SPN: variants seen among roughly 807,000 people sequenced by gnomAD.
SPN encodes sialophorin, also known as leukosialin.
In SPN, 6 loss-of-function variants were observed where a neutral mutation model predicts 8.4. The observed-to-expected ratio is 0.72, with a 90% confidence interval of 0.39 to 1.42. The LOEUF (loss-of-function observed/expected upper bound fraction) is 1.42, where lower values mean the gene tolerates loss of function less well. Ranked by LOEUF, SPN falls within the 40% of genes most tolerant of loss-of-function variation. The probability of loss-of-function intolerance (pLI) is 0.02; values close to 1 mark genes in which losing one functional copy is unlikely to be tolerated. For missense variants in SPN, 517 were observed against 530.6 expected, an observed-to-expected ratio of 0.97 and a Z score of 0.25; for synonymous variants, 201 against 222.6, an observed-to-expected ratio of 0.90 and a Z score of 0.86.
At chr16:29,663,106 C>T (rs569030799), upstream of SPN, 59 of 150,580 alleles carry the variant, frequency 3.9e-4, no homozygotes, top group Middle Eastern at 3.4e-3. The surrounding 1 kb of genome is among the most constrained non-coding windows in gnomAD (Gnocchi z 4.3). Flanking sequence ...CCAGGCACCC[C>T]GCTGGCCCCT....
Position 29,666,776 on chromosome 16 carries a change from C to G in SPN, c.*1845C>G. 2.4e-6 allele frequency: 1 copy of G among 408,830 alleles called. No homozygotes were observed. Among genetic ancestry groups the G allele is most frequent in the Admixed American group, 2.8e-5 (1 of 35,924 alleles). 25.3% of individuals were successfully genotyped at this position (408,830 alleles called of 1,614,324 possible). ...GAGCCAGGGACTTCCCCTGTGGGGC[C>G]TGGGTGGAGAGGGGAGAACTCAATG... On this transcript the variant is annotated 3_prime_UTR_variant, in exon 2 of 2. Coordinates refer to ENST00000652691, the MANE Select transcript of SPN (RefSeq NM_003123.6).
Position 29,670,625 on chromosome 16 carries a change from A to C in SPN, c.*5694A>C. ...TTTGAAAATTATGTAATGACTTTGG[A>C]AAATACCAGCAATATAATGTTAAGT... On this transcript the variant is annotated 3_prime_UTR_variant, in exon 2 of 2. Coordinates refer to ENST00000652691, the MANE Select transcript of SPN (RefSeq NM_003123.6). 2.8e-6 allele frequency: 1 copy of C among 355,842 alleles called. No homozygotes were observed. The highest frequency in any genetic ancestry group is 5.6e-6 in the Non-Finnish European group (1 of 177,516). 22.0% of individuals were successfully genotyped at this position (355,842 alleles called of 1,614,324 possible).
rs1429345891 is a variant in SPN at position 29,663,451 on chromosome 16, G to A, written c.-35+135G>A. On this transcript the variant is annotated intron_variant, in intron 1 of 1. Transcript: ENST00000652691. The surrounding 1 kb of genome is among the most constrained non-coding windows in gnomAD (Gnocchi z 4.3). ...GCTGCACAGGGTCAGGGAAGGCCAG[G>A]AGGGGCTGGTCACTGCTGGAATCTA... 1 of 414,552 alleles carries A rather than the reference G, an allele frequency of 2.4e-6. No homozygotes were observed. Among genetic ancestry groups the A allele is most frequent in the African/African-American group, 2.0e-5 (1 of 49,016 alleles). The allele number at this position is 414,552 out of a possible 1,614,324, so 25.7% of individuals were successfully genotyped here.
chr16:29,666,770 T>G lies in SPN; in HGVS notation c.*1839T>G. ...GGCCTGGAGCCAGGGACTTCCCCTG[T>G]GGGGCCTGGGTGGAGAGGGGAGAAC... On this transcript the variant is annotated 3_prime_UTR_variant, in exon 2 of 2. Transcript: ENST00000652691. 2.5e-6 allele frequency: 1 copy of G among 404,056 alleles called. No homozygotes were observed. Among genetic ancestry groups the G allele is most frequent in the Non-Finnish European group, 5.2e-6 (1 of 191,556 alleles). 25.0% of individuals were successfully genotyped at this position (404,056 alleles called of 1,614,324 possible). A position where few individuals can be genotyped will look rare whatever the true frequency, so the allele number is the denominator to read the frequency against.
rs747708060 is a variant in SPN at position 29,663,769 on chromosome 16, G to T, written c.41G>T (p.Ser14Ile). ...LLLLLGVLVV[S>I]PDALGSTTAV... is the part of the protein sequence containing the mutation. Reference sequence around the variant, plus strand: ...CTTCTCCTTGGGGTGCTGGTGGTAAGCCCAGACGCTCTGGGGAGCACAACA... The same window carrying T: ...CTTCTCCTTGGGGTGCTGGTGGTAATCCCAGACGCTCTGGGGAGCACAACA... The change falls in exon 2 of 2, where the codon AGC (serine) becomes ATC (isoleucine). Residue 14 changes from serine to isoleucine, a missense_variant. Transcript: ENST00000652691. This position sits in a 1 kb window ranked among gnomAD's most constrained non-coding sequence, Gnocchi z 4.3. 2 of 1,607,082 alleles carry T rather than the reference G, an allele frequency of 1.2e-6. No homozygotes were observed. Among genetic ancestry groups the T allele is most frequent in the Admixed American group, 3.4e-5 (2 of 58,366 alleles).
rs1416553981 is a variant in SPN, at chr16:29,666,605, C to G, written c.*1674C>G. On this transcript the variant is annotated 3_prime_UTR_variant, in exon 2 of 2. Transcript: ENST00000652691. Reference sequence around the variant, plus strand: ...ACAGAGGCAGGGGGAGAGGGGTTTGCCCTGGTCTCGGGGACTGGTCTGGCT... The same window carrying G: ...ACAGAGGCAGGGGGAGAGGGGTTTGGCCTGGTCTCGGGGACTGGTCTGGCT... 1 of 272,086 alleles carries G rather than the reference C, an allele frequency of 3.7e-6. No homozygotes were observed. The highest frequency in any genetic ancestry group is 7.7e-6 in the Non-Finnish European group (1 of 129,202). The allele number at this position is 272,086 out of a possible 1,614,324, so 16.9% of individuals were successfully genotyped here. A position where few individuals can be genotyped will look rare whatever the true frequency, so the allele number is the denominator to read the frequency against.
chr16:29,664,927 C>A lies in SPN; in HGVS notation c.1199C>A (p.Pro400His). 7.1e-7 allele frequency: 1 copy of A among 1,398,670 alleles called. No homozygotes were observed. The highest frequency in any genetic ancestry group is 9.3e-7 in the Non-Finnish European group (1 of 1,072,622). The allele number at this position is 1,398,670 out of a possible 1,614,324, so 86.6% of individuals were successfully genotyped here. Residue 400 changes from proline (P) to histidine (H), a missense_variant, in exon 2 of 2, where the codon CCT becomes CAT. Transcript: ENST00000652691. The surrounding 1 kb of genome is among the most constrained non-coding windows in gnomAD (Gnocchi z 6.4). ...DEPEGGDGAAP is the reference protein window; with the variant it reads ...DEPEGGDGAAH ...CCCGAAGGGGGAGACGGGGCTGCCC[C>A]TTAAGTGTCGGTGAATAGTGAGGCT...
rs60389967 is a variant in SPN, at chr16:29,666,554, G to A, written c.*1623G>A. ...CACACACACACACACACACACACAC[G>A]CGCGCGCGCGCGCGCTCTCCTGCGA... On this transcript the variant is annotated 3_prime_UTR_variant, in exon 2 of 2. Coordinates refer to ENST00000652691, the MANE Select transcript of SPN (RefSeq NM_003123.6). 0.13 allele frequency: 17,318 copies of A among 129,210 alleles called. 1,851 individuals carry two copies. The highest frequency in any genetic ancestry group is 0.41 in the African/African-American group (11,655 of 28,278). 8.0% of individuals were successfully genotyped at this position (129,210 alleles called of 1,614,324 possible). A position where few individuals can be genotyped will look rare whatever the true frequency, so the allele number is the denominator to read the frequency against.
rs753002388 is a variant in SPN at position 29,664,234 on chromosome 16, T to C, written c.506T>C (p.Leu169Pro). 2 of 1,613,746 alleles carry C rather than the reference T, an allele frequency of 1.2e-6. No homozygotes were observed. The highest frequency in any genetic ancestry group is 1.7e-6 in the Non-Finnish European group (2 of 1,179,898). ...ETSRGTSGPP[L>P]TMATVSLETS... Reference sequence around the variant, plus strand: ...TCCAGAGGCACCTCTGGACCCCCTCTTACCATGGCAACTGTCTCTCTGGAG... The same window carrying C: ...TCCAGAGGCACCTCTGGACCCCCTCCTACCATGGCAACTGTCTCTCTGGAG... Residue 169 changes from leucine (L) to proline (P), a missense_variant, in exon 2 of 2, where the codon CTT becomes CCT. Coordinates refer to ENST00000652691, the MANE Select transcript of SPN (RefSeq NM_003123.6). The surrounding 1 kb of genome is among the most constrained non-coding windows in gnomAD (Gnocchi z 6.4).
rs141904434 is a variant in SPN at position 29,664,563 on chromosome 16, C to T, written c.835C>T (p.Arg279Trp). 263 of 1,613,172 alleles carry T rather than the reference C, an allele frequency of 1.6e-4. No individual in the cohort carries two copies. In the African/African-American group the frequency reaches 1.7e-3, roughly 10 times the overall value. ...CGTGGCTCTGCTCCTGCTGTGGCGCCGGCGGCAGAAGCGGCGGACTGGGGC... is the reference window on the plus strand; with the variant it reads ...CGTGGCTCTGCTCCTGCTGTGGCGCTGGCGGCAGAAGCGGCGGACTGGGGC... ...VLVALLLLWR[R>W]RQKRRTGALV... is the part of the protein sequence containing the mutation. The change falls in exon 2 of 2, where the codon CGG becomes TGG. Residue 279 changes from arginine to tryptophan, a missense_variant. Arg to Trp is a moderately radical substitution (Grantham distance 101). Coordinates refer to ENST00000652691, the MANE Select transcript of SPN (RefSeq NM_003123.6). This position sits in a 1 kb window ranked among gnomAD's most constrained non-coding sequence, Gnocchi z 6.4.
At position 29,666,330 on chromosome 16, in the gene SPN, C is replaced by T. The variant is rs147876060; in HGVS notation, c.*1399C>T. On this transcript the variant is annotated 3_prime_UTR_variant, in exon 2 of 2. Transcript: ENST00000652691. ...GAGTCTGAAGTGAGCTGTGATTGCACCACTGCACTTCAGCCTGGGCAACAG... is the reference window on the plus strand; with the variant it reads ...GAGTCTGAAGTGAGCTGTGATTGCATCACTGCACTTCAGCCTGGGCAACAG... 6.1e-6 allele frequency: 1 copy of T among 164,770 alleles called. No homozygotes were observed. Among genetic ancestry groups the T allele is most frequent in the South Asian group, 2.0e-4 (1 of 4,984 alleles). The allele number at this position is 164,770 out of a possible 1,614,324, so 10.2% of individuals were successfully genotyped here.
chr16:29,666,185 A>G lies in SPN; in HGVS notation c.*1254A>G, dbSNP rs1369374697. On this transcript the variant is annotated 3_prime_UTR_variant, in exon 2 of 2. Transcript: ENST00000652691. ...TTTGCTCTGATGGGGTGGACATAGC[A>G]GAAAATCTAACTCTGTCTGTAGCCC... 6.0e-6 allele frequency: 1 copy of G among 166,984 alleles called. No homozygotes were observed. Among genetic ancestry groups the G allele is most frequent in the Non-Finnish European group, 1.5e-5 (1 of 68,184 alleles). 10.3% of individuals were successfully genotyped at this position (166,984 alleles called of 1,614,324 possible).
chr16:29,667,499 C>T lies in SPN; in HGVS notation c.*2568C>T, dbSNP rs545568930. ...TAAGTGTTAAAAGAGAGGCACAGGC[C>T]GGGTGCGGTGGCTCACGCCTGTAAT... On this transcript the variant is annotated 3_prime_UTR_variant, in exon 2 of 2. Transcript: ENST00000652691. 148 of 168,226 alleles carry T rather than the reference C, an allele frequency of 8.8e-4. No individual in the cohort carries two copies. The highest frequency in any genetic ancestry group is 1.7e-3 in the Non-Finnish European group (118 of 69,502). 10.4% of individuals were successfully genotyped at this position (168,226 alleles called of 1,614,324 possible). A position where few individuals can be genotyped will look rare whatever the true frequency, so the allele number is the denominator to read the frequency against.
Position 29,665,035 on chromosome 16 carries a change from C to T in SPN, c.*104C>T. The T allele has an allele frequency of 1.7e-6, 2 of 1,201,452 alleles. No homozygotes were observed. The highest frequency in any genetic ancestry group is 2.1e-6 in the Non-Finnish European group (2 of 943,144). 74.4% of individuals were successfully genotyped at this position (1,201,452 alleles called of 1,614,324 possible). A position where few individuals can be genotyped will look rare whatever the true frequency, so the allele number is the denominator to read the frequency against. On this transcript the variant is annotated 3_prime_UTR_variant, in exon 2 of 2. Coordinates refer to ENST00000652691, the MANE Select transcript of SPN (RefSeq NM_003123.6). ...CTCGCTCCCATGTTTCCACCCGGCA[C>T]CCTGATCCTCACCCGAATCTCCTTT...
In SPN at chr16:29,663,939, A is replaced by G. The variant is rs1966768198; in HGVS notation, c.211A>G (p.Ile71Val). ...QTSALPPSTS[I>V]NEGSPLWTSI... ...CTCAGCCCTACCTCCCTCAACTTCC[A>G]TCAATGAGGGATCCCCTCTTTGGAC... The change falls in exon 2 of 2, where the codon ATC becomes GTC. Residue 71 changes from isoleucine (I) to valine (V), a missense_variant. By Grantham distance (29) the Ile-to-Val change is conservative. Transcript: ENST00000652691. The surrounding 1 kb of genome is among the most constrained non-coding windows in gnomAD (Gnocchi z 4.3). 1.9e-6 allele frequency: 3 copies of G among 1,614,040 alleles called. No individual in the cohort carries two copies. The highest frequency in any genetic ancestry group is 2.2e-5 in the East Asian group (1 of 44,876).
At position 29,664,980 on chromosome 16, in the gene SPN, G is replaced by A; in HGVS notation, c.*49G>A. 7.5e-7 allele frequency: 1 copy of A among 1,337,550 alleles called. No individual in the cohort carries two copies. 82.9% of individuals were successfully genotyped at this position (1,337,550 alleles called of 1,614,324 possible). On this transcript the variant is annotated 3_prime_UTR_variant, in exon 2 of 2. Coordinates refer to ENST00000652691, the MANE Select transcript of SPN (RefSeq NM_003123.6). This position sits in a 1 kb window ranked among gnomAD's most constrained non-coding sequence, Gnocchi z 6.4. ...AGGCCGGAATCTCAGCCAGCCTCCAGCACCTTCCCTCTCACCATCCCACTG... is the reference window on the plus strand; with the variant it reads ...AGGCCGGAATCTCAGCCAGCCTCCAACACCTTCCCTCTCACCATCCCACTG...
chr16:29,664,409 ACTAT>A lies in SPN; in HGVS notation c.685_688del (p.Ser229GlnfsTer2). The stretch of plus-strand genomic sequence containing the variant: ...GTGGACCCCAGGTCTCTAGCGTAAA[ACTAT>A]CTACAATGATGTCTCCAACGACCTC... On this transcript the variant is annotated frameshift_variant, in exon 2 of 2. Coordinates refer to ENST00000652691, the MANE Select transcript of SPN (RefSeq NM_003123.6). LOFTEE classifies it high-confidence loss of function. The surrounding 1 kb of genome is among the most constrained non-coding windows in gnomAD (Gnocchi z 6.4). The A allele has an allele frequency of 6.2e-7, 1 of 1,614,090 alleles. No individual in the cohort carries two copies. The highest frequency in any genetic ancestry group is 8.5e-7 in the Non-Finnish European group (1 of 1,180,002).
chr16:29,666,944 G>T lies in SPN; in HGVS notation c.*2013G>T, dbSNP rs1484991211. 4.2e-6 allele frequency: 2 copies of T among 470,714 alleles called. No homozygotes were observed. Among genetic ancestry groups the T allele is most frequent in the Admixed American group, 4.7e-5 (2 of 42,550 alleles). The allele number at this position is 470,714 out of a possible 1,614,324, so 29.2% of individuals were successfully genotyped here. ...TGCGGTGGCTGAGAGCAGACAGGTT[G>T]ACCTGCAAAAAAAGACAGGGGAGGC... On this transcript the variant is annotated 3_prime_UTR_variant, in exon 2 of 2. Coordinates refer to ENST00000652691, the MANE Select transcript of SPN (RefSeq NM_003123.6).
Position 29,666,552 on chromosome 16 carries a change from ACGCGCGCGCG to A in SPN, c.*1629_*1638del, listed in dbSNP as rs1555490176. 19 of 148,914 alleles carry A rather than the reference ACGCGCGCGCG, an allele frequency of 1.3e-4. No individual in the cohort carries two copies. The highest frequency in any genetic ancestry group is 5.4e-4 in the African/African-American group (18 of 33,464). 9.2% of individuals were successfully genotyped at this position (148,914 alleles called of 1,614,324 possible). A position where few individuals can be genotyped will look rare whatever the true frequency, so the allele number is the denominator to read the frequency against. The stretch of plus-strand genomic sequence containing the variant: ...CACACACACACACACACACACACAC[ACGCGCGCGCG>A]CGCGCGCTCTCCTGCGAACAGAGGC... On this transcript the variant is annotated 3_prime_UTR_variant, in exon 2 of 2. Coordinates refer to ENST00000652691, the MANE Select transcript of SPN (RefSeq NM_003123.6).
Sources: gnomAD v4.1 joint callset for allele counts on GRCh38, gnomAD v4.1.1 for gene constraint, Gnocchi (gnomAD v3.1) non-coding constraint, MANE v1.5 for transcripts, NCBI Gene and HGNC (gene_info 2026-07-23, HGNC 2026-07-21) for gene names.